Variants in RAB31 observed in about 807,000 individuals in gnomAD.
The protein encoded by RAB31 is RAB31, member RAS oncogene family.
In RAB31, 21 loss-of-function variants were observed where a neutral mutation model predicts 25.6. The ratio of observed to expected loss-of-function variants is 0.82; its 90% CI spans 0.58 to 1.18. The LOEUF is 1.18. Among genes scored for constraint, RAB31 ranks in the 50% most tolerant of loss-of-function variants. RAB31 has a pLI of 0.00. For missense variants in RAB31, 196 were observed against 250.1 expected (o/e 0.78, Z 1.46); for synonymous variants, 87 against 84.0 (o/e 1.04, Z -0.20).
At chr18:9,734,661 C>T (rs374485096) in intron 1 of RAB31, among the ~76,000 whole-genome samples, 5 of 152,118 alleles carry the variant, frequency 3.3e-5, no homozygotes, top group South Asian at 2.1e-4. Context: ...GCCACCCCTG[C>T]GGGGGAGCAG....
At position 9,710,855 on chromosome 18, in the gene RAB31, C is replaced by T. The variant is rs550113170; in HGVS notation, c.39+2411C>T. On this transcript the variant is annotated intron_variant, in intron 1 of 6. Transcript: ENST00000578921. ...TCCGGGCGACAGAGTGAGACTCTATCTCAAAGAAAAGAAAACAAAAGAAAA... is the reference window on the plus strand; with the variant it reads ...TCCGGGCGACAGAGTGAGACTCTATTTCAAAGAAAAGAAAACAAAAGAAAA... 4.6e-5 allele frequency among the ~76,000 whole-genome samples: 7 copies of T among 151,868 alleles called. No individual in the cohort carries two copies. The South Asian group carries it at 1.5e-3, about 32-fold the overall frequency.
Position 9,845,651 on chromosome 18 carries a change from A to G in RAB31, c.450A>G (p.Ala150=). The G allele has an allele frequency of 6.4e-7, 1 of 1,567,014 alleles. No individual in the cohort carries two copies. The highest frequency in any genetic ancestry group is 8.7e-7 in the Non-Finnish European group (1 of 1,155,376). The part of the protein sequence containing the change: ...SIGAIVVETS[A]KNAINIEELF... ...GTGCCATCGTGGTTGAGACAAGTGC[A>G]AAAAATGCTATTAATATCGAAGAGC... The change falls in exon 6 of 7, where the codon GCA becomes GCG. Residue 150 remains alanine, a synonymous_variant. Coordinates refer to ENST00000578921, the MANE Select transcript of RAB31 (RefSeq NM_006868.4).
intron 1 of RAB31, among the ~76,000 whole-genome samples, chr18:9,718,510 C>T (rs186605666): frequency 1.1e-3 from 175 of 152,260 alleles, no homozygotes; most frequent in African/African-American, 3.8e-3. Flanking sequence ...CCACCTGCCT[C>T]GGCCTCCCAA....
intron 1 of RAB31, among the ~76,000 whole-genome samples, chr18:9,721,696 C>A (rs532843845): frequency 6.6e-6 from 1 of 151,948 alleles, no homozygotes; most frequent in Admixed American, 6.6e-5. Context: ...TTACTGAGTG[C>A]CTGCTGTATA....
chr18:9,853,063 G>T (rs950257351), intron 6 of RAB31, among the ~76,000 whole-genome samples: 1 of 152,046 alleles, frequency 6.6e-6, no homozygotes, highest in Non-Finnish European at 1.5e-5. Context: ...TACCCATTTT[G>T]TAATGGGTCG....
At chr18:9,845,028 G>A (rs926680572) in intron 5 of RAB31, among the ~76,000 whole-genome samples, 1 of 151,992 alleles carries the variant, frequency 6.6e-6, no homozygotes, top group Non-Finnish European at 1.5e-5. Flanking sequence ...TAGAGTTCAT[G>A]CCCTAAAACC....
intron 1 of RAB31, among the ~76,000 whole-genome samples, chr18:9,723,255 C>A (rs1177155969): frequency 2.0e-5 from 3 of 152,020 alleles, no homozygotes; most frequent in Non-Finnish European, 4.4e-5. Flanking sequence ...ACCATGTTGT[C>A]CAGGCTGGTC....
intron 3 of RAB31, among the ~76,000 whole-genome samples, chr18:9,807,694 C>T (rs1024771867): frequency 5.9e-5 from 9 of 152,082 alleles, no homozygotes; most frequent in Non-Finnish European, 1.2e-4. Flanking sequence ...ACTAATCCAG[C>T]GGGGTGCAGT....
At position 9,708,361 on chromosome 18, in the gene RAB31, C is replaced by T; in HGVS notation, c.-45C>T. The T allele has an allele frequency of 6.8e-7, 1 of 1,470,894 alleles. No homozygotes were observed. Among genetic ancestry groups the T allele is most frequent in the Non-Finnish European group, 9.1e-7 (1 of 1,101,930 alleles). The allele number at this position is 1,470,894 out of a possible 1,614,324, so 91.1% of individuals were successfully genotyped here. On this transcript the variant is annotated 5_prime_UTR_variant, in exon 1 of 7. Transcript: ENST00000578921. The surrounding 1 kb of genome is among the most constrained non-coding windows in gnomAD (Gnocchi z 6.4). The stretch of plus-strand genomic sequence containing the variant: ...GCCGGCGGGGCGCGGGCGCGGCGGC[C>T]CCGGAGGATGCTGCTGAGCCCCGGC...
chr18:9,721,768 T>C (rs2068074814), intron 1 of RAB31, among the ~76,000 whole-genome samples: 1 of 151,998 alleles, frequency 6.6e-6, no homozygotes, highest in Admixed American at 6.6e-5. Context: ...CCTGACCTCA[T>C]GGAGCTGATA....
intron 2 of RAB31, among the ~76,000 whole-genome samples, chr18:9,782,676 A>G (rs2068411257): frequency 6.6e-6 from 1 of 152,132 alleles, no homozygotes; most frequent in Non-Finnish European, 1.5e-5. Flanking sequence ...ATCTACACAG[A>G]AGAAAAGATG....
At chr18:9,789,754 T>A (rs1443278215) in intron 2 of RAB31, among the ~76,000 whole-genome samples, 1 of 152,146 alleles carries the variant, frequency 6.6e-6, no homozygotes, top group Non-Finnish European at 1.5e-5. Flanking sequence ...ATATATTAGG[T>A]CTCCCCGGTA....
At chr18:9,770,209 G>C (rs1239692105) in intron 1 of RAB31, among the ~76,000 whole-genome samples, 1 of 152,176 alleles carries the variant, frequency 6.6e-6, no homozygotes, top group Non-Finnish European at 1.5e-5. Flanking sequence ...CTCATAAAAT[G>C]AGTTAGGGAG....
At chr18:9,744,675 G>T (rs1252916897) in intron 1 of RAB31, among the ~76,000 whole-genome samples, 1 of 152,146 alleles carries the variant, frequency 6.6e-6, no homozygotes, top group Non-Finnish European at 1.5e-5. Context: ...GAGGGCTTAA[G>T]ACATTGGAAG....
chr18:9,709,050 T>TG (rs1477813760), intron 1 of RAB31, among the ~76,000 whole-genome samples: 4 of 152,180 alleles, frequency 2.6e-5, no homozygotes, highest in African/African-American at 9.7e-5. Context: ...GGTGAGGCAG[T>TG]GACCTGTGCG....
At chr18:9,791,471 C>G (rs1025064658) in intron 2 of RAB31, among the ~76,000 whole-genome samples, 21 of 138,192 alleles carry the variant, frequency 1.5e-4, no homozygotes, top group Non-Finnish European at 2.3e-4. Flanking sequence ...GATTTTGGCT[C>G]ACTGCAGCCT....
intron 1 of RAB31, among the ~76,000 whole-genome samples, chr18:9,741,924 A>G (rs1341678677): frequency 6.6e-6 from 1 of 152,110 alleles, no homozygotes; most frequent in Non-Finnish European, 1.5e-5. Context: ...ACCCAGAGGG[A>G]GCCAGGAAAT....
At chr18:9,782,280 G>A (rs2068409228) in intron 2 of RAB31, among the ~76,000 whole-genome samples, 1 of 152,214 alleles carries the variant, frequency 6.6e-6, no homozygotes, top group South Asian at 2.1e-4. Flanking sequence ...CAGGCCCAGG[G>A]CGGTTAGGGG....
rs968851868 is a variant in RAB31, at chr18:9,708,765, C to G, written c.39+321C>G. ...CCGAGCCTGCCCCGGGCTTACTCCGCTCTTTCCTCCCGGCCCGCGAGTCCC... is the reference window on the plus strand; with the variant it reads ...CCGAGCCTGCCCCGGGCTTACTCCGGTCTTTCCTCCCGGCCCGCGAGTCCC... On this transcript the variant is annotated intron_variant, in intron 1 of 6. Transcript: ENST00000578921. The surrounding 1 kb of genome is among the most constrained non-coding windows in gnomAD (Gnocchi z 6.4). 6.6e-6 allele frequency among the ~76,000 whole-genome samples: 1 copy of G among 152,156 alleles called. No homozygotes were observed.
Sources: gnomAD v4.1 joint callset for allele counts (sites outside exome capture counted in the v4.1 genomes callset) on GRCh38, gnomAD v4.1.1 for gene constraint, Gnocchi (gnomAD v3.1) non-coding constraint, MANE v1.5 for transcripts, NCBI Gene and HGNC (gene_info 2026-07-23, HGNC 2026-07-21) for gene names.